The following DIAPH2 variants were observed in gnomAD, a reference collection of about 807,000 sequenced individuals.
DIAPH2 encodes the protein protein diaphanous homolog 2.
A neutral mutation model predicts 92.7 loss-of-function variants in DIAPH2; 35 were observed. The observed-to-expected ratio is 0.38, with a 90% confidence interval of 0.29 to 0.50. The LOEUF is 0.50. DIAPH2 is among the 20% of genes least tolerant of loss of function. DIAPH2 has a pLI of 0.94. For synonymous variants in DIAPH2, 301 were observed against 280.4 expected (o/e 1.07, Z -0.73); for missense variants, 701 against 819.5 (o/e 0.86, Z 1.77).
chrX:96,824,807 T>TG (rs901146815), intron 4 of DIAPH2, among the ~76,000 whole-genome samples: 3 of 112,048 alleles, frequency 2.7e-5, no homozygotes, highest in African/African-American at 6.5e-5. Flanking sequence ...AATTAGCAAA[T>TG]GCATACACTA....
chrX:96,920,728 G>A (rs2065536992), intron 9 of DIAPH2, among the ~76,000 whole-genome samples: 1 of 112,371 alleles, frequency 8.9e-6, no homozygotes, highest in Non-Finnish European at 1.9e-5. Context: ...AGAATGGAAT[G>A]ATAAAGTGAC....
rs769948684 is a variant in DIAPH2, at chrX:97,119,770, C to G, written c.2589+4805C>G. 8.3e-4 allele frequency among the ~76,000 whole-genome samples: 92 copies of G among 111,314 alleles called. 1 individual carries two copies. Among genetic ancestry groups the G allele is most frequent in the African/African-American group, 2.9e-3 (90 of 30,597 alleles). On this transcript the variant is annotated intron_variant, in intron 21 of 26. Coordinates refer to ENST00000324765, the MANE Select transcript of DIAPH2 (RefSeq NM_006729.5). Reference sequence around the variant, plus strand: ...TTCCCAGCTCAATGGAGTTGTGTACCTACCGTGGATTATGGTTGCCTCTGC... The same window carrying G: ...TTCCCAGCTCAATGGAGTTGTGTACGTACCGTGGATTATGGTTGCCTCTGC...
intron 23 of DIAPH2, among the ~76,000 whole-genome samples, chrX:97,332,553 A>T (rs1031750477): frequency 8.9e-6 from 1 of 112,024 alleles, no homozygotes; most frequent in Non-Finnish European, 1.9e-5. Flanking sequence ...CACTATCTAT[A>T]ATTCAGTATA....
At chrX:97,329,742 C>T (rs764557130) in intron 23 of DIAPH2, among the ~76,000 whole-genome samples, 1 of 110,662 alleles carries the variant, frequency 9.0e-6, no homozygotes, top group East Asian at 2.9e-4. Flanking sequence ...GTAGTTAATA[C>T]CTCTAATTCC....
intron 4 of DIAPH2, among the ~76,000 whole-genome samples, chrX:96,815,141 T>C (rs1014304381): frequency 4.5e-5 from 5 of 111,958 alleles, no homozygotes; most frequent in Non-Finnish European, 9.4e-5. Flanking sequence ...CCCCCCGAGG[T>C]GGGGGTCTAC....
chrX:97,275,432 C>T (rs747222843), intron 23 of DIAPH2, among the ~76,000 whole-genome samples: 218 of 108,960 alleles, frequency 2.0e-3, no homozygotes, highest in African/African-American at 7.0e-3. Context: ...CCCCCCTTCA[C>T]CTCCCAGACG....
At chrX:96,799,683 C>CTG (rs1479781310) in intron 4 of DIAPH2, among the ~76,000 whole-genome samples, 1 of 110,267 alleles carries the variant, frequency 9.1e-6, no homozygotes, top group Admixed American at 9.7e-5. Flanking sequence ...TGGCGCGTGC[C>CTG]TGTAGACCCA....
chrX:96,715,176 G>T (rs1237874138), intron 1 of DIAPH2, among the ~76,000 whole-genome samples: 5 of 111,319 alleles, frequency 4.5e-5, no homozygotes, highest in Non-Finnish European at 9.4e-5. Flanking sequence ...ATTCTTATAG[G>T]ATAAATGTAT....
intron 1 of DIAPH2, among the ~76,000 whole-genome samples, chrX:96,702,412 T>C (rs1243772875): frequency 8.9e-6 from 1 of 112,091 alleles, no homozygotes; most frequent in African/African-American, 3.2e-5. Context: ...ACTAGAAACA[T>C]AGAGTTGGAG....
intron 24 of DIAPH2, among the ~76,000 whole-genome samples, chrX:97,372,411 G>A (rs1014655551): frequency 5.3e-5 from 6 of 112,254 alleles, no homozygotes; most frequent in African/African-American, 1.9e-4. Flanking sequence ...GATATGTAGC[G>A]CATGTGAAAG....
At chrX:97,235,062 A>G (rs774193941) in intron 22 of DIAPH2, among the ~76,000 whole-genome samples, 17 of 112,363 alleles carry the variant, frequency 1.5e-4, no homozygotes, top group African/African-American at 4.5e-4. Flanking sequence ...CCTTTTATTC[A>G]TCTTTGCTTT....
chrX:96,981,476 A>G (rs902092027), intron 17 of DIAPH2, among the ~76,000 whole-genome samples: 3 of 112,410 alleles, frequency 2.7e-5, no homozygotes, highest in African/African-American at 6.5e-5. Context: ...AGATAAATAT[A>G]TATCACAGAT....
intron 26 of DIAPH2, among the ~76,000 whole-genome samples, chrX:97,495,457 T>A (rs1364872630): frequency 1.8e-5 from 2 of 111,929 alleles, no homozygotes; most frequent in Non-Finnish European, 3.8e-5. Flanking sequence ...CAAAAGGCCA[T>A]CTGGAATTCC....
chrX:96,809,759 C>T (rs1181554146), intron 4 of DIAPH2, among the ~76,000 whole-genome samples: 2 of 111,552 alleles, frequency 1.8e-5, no homozygotes, highest in Non-Finnish European at 3.8e-5. Flanking sequence ...TCAGTGAGAA[C>T]ATGCAGTGTT....
Position 97,234,223 on chromosome X carries a change from C to T in DIAPH2, c.2720-13492C>T, listed in dbSNP as rs769280642. Reference sequence around the variant, plus strand: ...GTGCATGCCTGTAATCCCAGCTACTCGGGAGGCTGAGGCAGGAGAATCGTT... The same window carrying T: ...GTGCATGCCTGTAATCCCAGCTACTTGGGAGGCTGAGGCAGGAGAATCGTT... On this transcript the variant is annotated intron_variant, in intron 22 of 26. Coordinates refer to ENST00000324765, the MANE Select transcript of DIAPH2 (RefSeq NM_006729.5). 5.7e-5 allele frequency among the ~76,000 whole-genome samples: 6 copies of T among 104,701 alleles called. No individual in the cohort carries two copies. The South Asian group carries it at 1.4e-3, about 24-fold the overall frequency. The allele number at this position is 104,701 out of a possible 115,157, so 90.9% of individuals were successfully genotyped here.
intron 25 of DIAPH2, among the ~76,000 whole-genome samples, chrX:97,384,797 C>T (rs922518632): frequency 4.6e-5 from 5 of 109,711 alleles, no homozygotes; most frequent in African/African-American, 1.0e-4. Context: ...AACTGGGGGG[C>T]GGAGGCTACA....
rs368559209 is a variant in DIAPH2, at chrX:97,013,022, C to T, written c.2050+47815C>T. On this transcript the variant is annotated intron_variant, in intron 17 of 26. Transcript: ENST00000324765. ...AGCCACAGGCAATCTTGCTGCCTCT[C>T]TCAACTTAGCTAAGTCTCTCCCTTG... 1.3e-4 allele frequency among the ~76,000 whole-genome samples: 15 copies of T among 112,324 alleles called. No homozygotes were observed. The East Asian group carries it at 3.9e-3, about 29-fold the overall frequency.
intron 12 of DIAPH2, 93 bp downstream of exon 12, chrX:96,939,475 T>G: frequency 5.7e-6 from 1 of 176,964 alleles, no homozygotes; most frequent in Non-Finnish European, 1.1e-5. Flanking sequence ...AATATATGCA[T>G]ATGTGTGTGT....
intron 4 of DIAPH2, among the ~76,000 whole-genome samples, chrX:96,766,157 G>A (rs995715832): frequency 2.7e-5 from 3 of 110,078 alleles, no homozygotes; most frequent in Non-Finnish European, 5.7e-5. Flanking sequence ...ACAGAATAAA[G>A]ATAGGACCTG....
Sources: gnomAD v4.1 joint callset for allele counts (sites outside exome capture counted in the v4.1 genomes callset) on GRCh38, gnomAD v4.1.1 for gene constraint, MANE v1.5 for transcripts, NCBI Gene and HGNC (gene_info 2026-07-23, HGNC 2026-07-21) for gene names.